ZNF804A: variants seen among roughly 807,000 people sequenced by gnomAD.
ZNF804A encodes zinc finger protein 804A.
In ZNF804A, 2 loss-of-function variants were observed where a neutral mutation model predicts 16.5. The observed-to-expected ratio is 0.12, with a 90% CI of 0.05 to 0.38. ZNF804A has a LOEUF of 0.38. Ranked by LOEUF, ZNF804A falls within the 10% of genes least tolerant of loss-of-function variation. The pLI, the probability that ZNF804A is intolerant of heterozygous loss-of-function variation, is 0.99. For synonymous variants in ZNF804A, 534 were observed against 489.6 expected (o/e 1.09, Z -1.20); for missense variants, 1,473 against 1,390.7 (o/e 1.06, Z -0.94).
Position 184,753,584 on chromosome 2 carries a change from A to G in ZNF804A, c.112-112785A>G, listed in dbSNP as rs551509353. Among the ~76,000 whole-genome samples the G allele has an allele frequency of 2.6e-5, 4 of 151,968 alleles. No homozygotes were observed. The South Asian group carries it at 8.3e-4, about 31-fold the overall frequency. On this transcript the variant is annotated intron_variant, in intron 1 of 3. Transcript: ENST00000302277. The stretch of plus-strand genomic sequence containing the variant: ...CTGCTGCTCTGTATTCTCCTGTTGG[A>G]ATCTAATAGGTGTCCTAACATTCTA...
At position 184,937,546 on chromosome 2, in the gene ZNF804A, C is replaced by T. The variant is rs772068718; in HGVS notation, c.2150C>T (p.Thr717Ile). Residue 717 changes from threonine (T) to isoleucine (I), a missense_variant, in exon 4 of 4, where the codon ACA (threonine) becomes ATA (isoleucine). Physicochemically the swap from Thr to Ile is moderately conservative, Grantham distance 89. Transcript: ENST00000302277. Reference sequence around the variant, plus strand: ...ATACATTCTGGGAAACATAATTTAACATATTCTAGAACTTACTGTTGTTGG... The same window carrying T: ...ATACATTCTGGGAAACATAATTTAATATATTCTAGAACTTACTGTTGTTGG... ...TMIHSGKHNL[T>I]YSRTYCCWKT... 1.9e-6 allele frequency: 3 copies of T among 1,612,450 alleles called. No homozygotes were observed. The highest frequency in any genetic ancestry group is 2.2e-5 in the South Asian group (2 of 90,914).
chr2:184,620,809 T>C (rs1691405381), intron 1 of ZNF804A, among the ~76,000 whole-genome samples: 1 of 151,750 alleles, frequency 6.6e-6, no homozygotes, highest in African/African-American at 2.4e-5. Context: ...AATTACTTGA[T>C]TGATTTCATT....
intron 1 of ZNF804A, among the ~76,000 whole-genome samples, chr2:184,797,004 T>G (rs1694639598): frequency 6.6e-6 from 1 of 152,154 alleles, no homozygotes; most frequent in Non-Finnish European, 1.5e-5. Flanking sequence ...TTGATATAAC[T>G]TCAATTTTTT....
At chr2:184,855,811 G>A (rs1695678124) in intron 1 of ZNF804A, among the ~76,000 whole-genome samples, 1 of 151,966 alleles carries the variant, frequency 6.6e-6, no homozygotes, top group Non-Finnish European at 1.5e-5. Flanking sequence ...TCCCTGTCAT[G>A]TGAATATGTT....
At chr2:184,767,822 A>G (rs1164544728) in intron 1 of ZNF804A, among the ~76,000 whole-genome samples, 1 of 152,158 alleles carries the variant, frequency 6.6e-6, no homozygotes, top group Non-Finnish European at 1.5e-5. Context: ...CATGAATAGT[A>G]ATTGTAAGTA....
chr2:184,617,708 G>A (rs1230890827), intron 1 of ZNF804A, among the ~76,000 whole-genome samples: 1 of 151,460 alleles, frequency 6.6e-6, no homozygotes, highest in Non-Finnish European at 1.5e-5. Context: ...TTGTGGTTAA[G>A]TCAATTATTT....
At chr2:184,864,041 C>T (rs1340494745) in intron 1 of ZNF804A, among the ~76,000 whole-genome samples, 1 of 152,112 alleles carries the variant, frequency 6.6e-6, no homozygotes, top group Admixed American at 6.6e-5. Flanking sequence ...TTATCACTGT[C>T]TTAGTTCATT....
intron 1 of ZNF804A, among the ~76,000 whole-genome samples, chr2:184,767,017 G>C (rs990245150): frequency 6.6e-6 from 1 of 152,144 alleles, no homozygotes; most frequent in Non-Finnish European, 1.5e-5. Flanking sequence ...AAGGCCATGT[G>C]AGGACACAGC....
intron 1 of ZNF804A, among the ~76,000 whole-genome samples, chr2:184,706,237 C>T (rs1459428510): frequency 6.6e-6 from 1 of 152,182 alleles, no homozygotes; most frequent in Non-Finnish European, 1.5e-5. Context: ...AGTGAACAAT[C>T]GCTGTTGTTT....
At chr2:184,763,754 T>G (rs982149700) in intron 1 of ZNF804A, among the ~76,000 whole-genome samples, 24 of 144,230 alleles carry the variant, frequency 1.7e-4, no homozygotes, top group African/African-American at 5.8e-4. Context: ...GCCATTCTCC[T>G]GCCTCAGCCT....
At chr2:184,773,202 A>G (rs1368176165) in intron 1 of ZNF804A, among the ~76,000 whole-genome samples, 1 of 151,702 alleles carries the variant, frequency 6.6e-6, no homozygotes, top group Non-Finnish European at 1.5e-5. Flanking sequence ...AGAAATAGAA[A>G]AATACCATTA....
At chr2:184,734,572 T>G (rs2105749341) in intron 1 of ZNF804A, among the ~76,000 whole-genome samples, 1 of 152,322 alleles carries the variant, frequency 6.6e-6, no homozygotes, top group South Asian at 2.1e-4. Flanking sequence ...TTGAAGTGTG[T>G]TTTATTTGCC....
At chr2:184,801,059 C>T (rs1326204147) in intron 1 of ZNF804A, among the ~76,000 whole-genome samples, 1 of 151,948 alleles carries the variant, frequency 6.6e-6, no homozygotes, top group Non-Finnish European at 1.5e-5. Flanking sequence ...GTTTGTTTCT[C>T]CTTCTCTTTT....
chr2:184,919,655 A>T (rs1239338541), intron 2 of ZNF804A, among the ~76,000 whole-genome samples: 1 of 152,132 alleles, frequency 6.6e-6, no homozygotes, highest in South Asian at 2.1e-4. Flanking sequence ...GTTTCTTGCA[A>T]GTTTCTAACC....
At chr2:184,776,732 A>G (rs1184613457) in intron 1 of ZNF804A, among the ~76,000 whole-genome samples, 1 of 151,510 alleles carries the variant, frequency 6.6e-6, no homozygotes, top group African/African-American at 2.4e-5. Flanking sequence ...TTTTTACCAC[A>G]TGGAACTAGT....
At chr2:184,870,667 TA>T (rs1695961809) in intron 2 of ZNF804A, among the ~76,000 whole-genome samples, 3 of 152,114 alleles carry the variant, frequency 2.0e-5, no homozygotes, top group Admixed American at 1.3e-4. Context: ...TATATAAGTG[TA>T]AAAAGGCTAG....
In ZNF804A at chr2:184,636,471, G is replaced by C. The variant is rs188102605; in HGVS notation, c.111+37401G>C. On this transcript the variant is annotated intron_variant, in intron 1 of 3. Transcript: ENST00000302277. ...TGTGTGTGAGAGAGAGAGAGAGAGA[G>C]AGAGAGGTAAATATTTGTGTTTTCT... 1.0e-3 allele frequency among the ~76,000 whole-genome samples: 145 copies of C among 145,308 alleles called. 3 individuals are homozygous for C. The East Asian group carries it at 0.015, about 15-fold the overall frequency.
chr2:184,682,735 C>T (rs1480481), intron 1 of ZNF804A, among the ~76,000 whole-genome samples: 71,469 of 152,070 alleles, frequency 0.47, 19,966 homozygotes, highest in East Asian at 0.79. Flanking sequence ...TTTCCACCCC[C>T]GGTAAGTTAG....
intron 2 of ZNF804A, among the ~76,000 whole-genome samples, chr2:184,923,307 T>C (rs1685560055): frequency 6.6e-6 from 1 of 152,034 alleles, no homozygotes; most frequent in Non-Finnish European, 1.5e-5. Flanking sequence ...TATTTGGAGC[T>C]ATTGCAAATG....
Sources: allele counts gnomAD v4.1 joint callset (sites outside exome capture counted in the v4.1 genomes callset), GRCh38; gene constraint gnomAD v4.1.1; transcripts MANE v1.5; gene names NCBI Gene and HGNC (gene_info 2026-07-23, HGNC 2026-07-21).